The following MYLK4 variants were observed in gnomAD, a reference collection of about 807,000 sequenced individuals.
The protein encoded by MYLK4 is caMLCK like.
Under a neutral mutation model 48.1 loss-of-function variants are expected in MYLK4, and 46 were observed. The ratio of observed to expected loss-of-function variants is 0.96; its 90% CI spans 0.75 to 1.22. The LOEUF is 1.22. Among genes scored for constraint, MYLK4 ranks in the 50% most tolerant of loss-of-function variants. The pLI, the probability that MYLK4 is intolerant of heterozygous loss-of-function variation, is 0.00. For missense variants in MYLK4, 451 were observed against 486.1 expected, an observed-to-expected ratio of 0.93 and a Z score of 0.68; for synonymous variants, 170 against 180.8, an observed-to-expected ratio of 0.94 and a Z score of 0.48.
Position 2,678,228 on chromosome 6 carries a change from C to T in MYLK4, c.1032G>A (p.Lys344=), listed in dbSNP as rs1242599945. 1.1e-5 allele frequency: 18 copies of T among 1,613,882 alleles called. No homozygotes were observed. Among genetic ancestry groups the T allele is most frequent in the Non-Finnish European group, 1.4e-5 (17 of 1,179,968 alleles). The change falls in exon 10 of 13, where the codon AAG becomes AAA. Residue 344 remains lysine, a synonymous_variant. Coordinates refer to ENST00000274643, the MANE Select transcript of MYLK4 (RefSeq NM_001012418.5). ...GGACGAACTTGCGTTACCTCTTCTC[C>T]TTAATCAGAAGCTTAGAGATGAACT... ...AKEFISKLLI[K]EKSWRISASE...
At chr6:2,735,689 C>T (rs1353295134) in intron 2 of MYLK4, among the ~76,000 whole-genome samples, 2 of 152,120 alleles carry the variant, frequency 1.3e-5, no homozygotes, top group African/African-American at 4.8e-5. Flanking sequence ...GGCCCCAAAA[C>T]TATGCACACA....
At chr6:2,686,184 C>T (rs1761540337) in intron 4 of MYLK4, among the ~76,000 whole-genome samples, 1 of 152,166 alleles carries the variant, frequency 6.6e-6, no homozygotes, top group Non-Finnish European at 1.5e-5. Flanking sequence ...ATCTGCATTT[C>T]AGCACATTTC....
chr6:2,763,717 A>G, the MYLK4 span, among the ~76,000 whole-genome samples: 1 of 152,214 alleles, frequency 6.6e-6, no homozygotes, highest in Non-Finnish European at 1.5e-5. Context: ...GAGCTCCCAT[A>G]GTACAGCGGC....
intron 1 of MYLK4, among the ~76,000 whole-genome samples, chr6:2,749,979 C>G (rs531128737): frequency 6.6e-6 from 1 of 152,102 alleles, no homozygotes; most frequent in African/African-American, 2.4e-5. Flanking sequence ...AGCTATGTAC[C>G]GAGAAGTTCA....
chr6:2,731,602 G>A (rs1294078593), intron 2 of MYLK4, among the ~76,000 whole-genome samples: 2 of 152,130 alleles, frequency 1.3e-5, no homozygotes, highest in Non-Finnish European at 2.9e-5. Context: ...GGACTCCTAT[G>A]GCACCTGCTC....
the MYLK4 span, chr6:2,766,380 G>T: frequency 7.0e-5 from 112 of 1,608,432 alleles, no homozygotes; most frequent in African/African-American, 1.4e-3. Flanking sequence ...ACCCTGCTGC[G>T]CTCGCTCCTG....
rs571895412 is a variant in MYLK4 at position 2,740,086 on chromosome 6, G to A, written c.159+9050C>T. On this transcript the variant is annotated intron_variant, in intron 2 of 12. Transcript: ENST00000274643. ...TCATGGTGGCATAGAGTGCAAGCTA[G>A]GTGCCCACCATGGGGTTCAAAGCCC... 7.2e-5 allele frequency among the ~76,000 whole-genome samples: 11 copies of A among 152,346 alleles called. No individual in the cohort carries two copies. In the South Asian group the frequency reaches 2.3e-3, roughly 32 times the overall value.
upstream of MYLK4, among the ~76,000 whole-genome samples, chr6:2,753,665 T>C (rs1255875000): frequency 2.8e-5 from 1 of 35,568 alleles, no homozygotes; most frequent in Admixed American, 4.7e-4. Context: ...ATCTAGCATA[T>C]ACAACTTAAT....
At chr6:2,760,444 G>C in the MYLK4 span, among the ~76,000 whole-genome samples, 27 of 152,306 alleles carry the variant, frequency 1.8e-4, no homozygotes, top group African/African-American at 6.0e-4. Flanking sequence ...AGGTTTCATT[G>C]TGTAGGCATG....
chr6:2,685,149 T>A lies in MYLK4; in HGVS notation c.545+147A>T, dbSNP rs998583036. On this transcript the variant is annotated intron_variant, in intron 6 of 12. Coordinates refer to ENST00000274643, the MANE Select transcript of MYLK4 (RefSeq NM_001012418.5). This position sits in a 1 kb window ranked among gnomAD's most constrained non-coding sequence, Gnocchi z 4.5. ...ACCCCAAGTGTTTCCCTTCTAGAAC[T>A]GATGTGATTGTGTGATCCGCGCGAA... 4.8e-6 allele frequency: 3 copies of A among 629,572 alleles called. No homozygotes were observed. The highest frequency in any genetic ancestry group is 8.7e-6 in the Non-Finnish European group (3 of 345,332). 39.0% of individuals were successfully genotyped at this position (629,572 alleles called of 1,614,324 possible).
intron 2 of MYLK4, among the ~76,000 whole-genome samples, chr6:2,728,082 C>T (rs924592303): frequency 6.6e-6 from 1 of 151,964 alleles, no homozygotes; most frequent in African/African-American, 2.4e-5. Flanking sequence ...AACTGAGGCA[C>T]GGAAAGGATA....
intron 2 of MYLK4, among the ~76,000 whole-genome samples, chr6:2,710,387 A>C (rs1166424007): frequency 6.6e-6 from 1 of 152,230 alleles, no homozygotes; most frequent in Non-Finnish European, 1.5e-5. Flanking sequence ...TAAAAAAGTT[A>C]CATTTTTCTT....
chr6:2,703,380 G>A (rs144763050), intron 2 of MYLK4, among the ~76,000 whole-genome samples: 34 of 152,348 alleles, frequency 2.2e-4, no homozygotes, highest in African/African-American at 7.9e-4. Flanking sequence ...AGTGTGCTTT[G>A]AAAGTCAAGG....
At chr6:2,726,605 A>ATTTTTTTTTTTTTTTTTTTTTTT (rs70995390) in intron 2 of MYLK4, among the ~76,000 whole-genome samples, 1 of 118,282 alleles carries the variant, frequency 8.5e-6, no homozygotes, top group Non-Finnish European at 1.8e-5. Flanking sequence ...CTACTATACA[A>ATTTTTTTTTTTTTTTTTTTTTTT]TTTTTTTTTT....
At chr6:2,688,546 A>G (rs1306108128) in intron 4 of MYLK4, among the ~76,000 whole-genome samples, 1 of 152,232 alleles carries the variant, frequency 6.6e-6, no homozygotes, top group Admixed American at 6.5e-5. Context: ...ACTCATTTCT[A>G]TCTTCTGTCT....
upstream of MYLK4, among the ~76,000 whole-genome samples, chr6:2,752,102 C>G (rs763730713): frequency 2.0e-5 from 3 of 152,194 alleles, no homozygotes; most frequent in Non-Finnish European, 4.4e-5. Flanking sequence ...GGACCACCAC[C>G]ACGCAAAAGC....
At chr6:2,671,970 A>G (rs1299145482) in intron 11 of MYLK4, among the ~76,000 whole-genome samples, 1 of 152,148 alleles carries the variant, frequency 6.6e-6, no homozygotes, top group Non-Finnish European at 1.5e-5. Flanking sequence ...TAGTGTGGAC[A>G]ATGGGAAACG....
At chr6:2,761,516 G>A in the MYLK4 span, among the ~76,000 whole-genome samples, 54 of 152,292 alleles carry the variant, frequency 3.5e-4, no homozygotes, top group African/African-American at 1.2e-3. Context: ...GAGGGGACTA[G>A]GGTTCAGGAA....
intron 2 of MYLK4, among the ~76,000 whole-genome samples, chr6:2,745,269 G>A (rs187153122): frequency 1.2e-4 from 19 of 152,210 alleles, no homozygotes; most frequent in East Asian, 5.8e-4. Context: ...AATACAACAC[G>A]AGGGCTATTT....
Sources: allele counts gnomAD v4.1 joint callset (sites outside exome capture counted in the v4.1 genomes callset), GRCh38; gene constraint gnomAD v4.1.1; non-coding constraint Gnocchi (gnomAD v3.1); transcripts MANE v1.5; gene names NCBI Gene and HGNC (gene_info 2026-07-23, HGNC 2026-07-21).